Variants in COL19A1 observed in about 807,000 individuals in gnomAD.
COL19A1 encodes collagen type XIX alpha 1 chain, also known as collagen alpha-1(XIX) chain.
Under a neutral mutation model 190.2 loss-of-function variants are expected in COL19A1, and 159 were observed. That is an observed-to-expected ratio of 0.84 (90% CI 0.73 to 0.95). The LOEUF (loss-of-function observed/expected upper bound fraction) is 0.95, where lower values mean the gene tolerates loss of function less well. COL19A1 is among the 40% of genes least tolerant of loss of function. The pLI is 0.00. For synonymous variants in COL19A1, 509 were observed against 458.9 expected, an observed-to-expected ratio of 1.11 and a Z score of -1.39; for missense variants, 1,418 against 1,431.9, an observed-to-expected ratio of 0.99 and a Z score of 0.16.
chr6:70,073,795 G>C (rs1781697548), intron 15 of COL19A1, among the ~76,000 whole-genome samples: 2 of 152,166 alleles, frequency 1.3e-5, no homozygotes, highest in Non-Finnish European at 2.9e-5. Context: ...TGGAGTAGCT[G>C]AGACCTCAAA....
At chr6:70,106,950 G>A (rs533629991) in intron 16 of COL19A1, among the ~76,000 whole-genome samples, 58 of 152,338 alleles carry the variant, frequency 3.8e-4, no homozygotes, top group African/African-American at 1.4e-3. Context: ...AGGAAAGAGG[G>A]ATGAAGCAGA....
chr6:70,039,427 T>C (rs1454479713), intron 14 of COL19A1, among the ~76,000 whole-genome samples: 2 of 152,222 alleles, frequency 1.3e-5, no homozygotes, highest in Non-Finnish European at 2.9e-5. Flanking sequence ...TCCTGATTAC[T>C]TCATTATAGA....
At chr6:69,893,767 G>T (rs967676103) in intron 2 of COL19A1, among the ~76,000 whole-genome samples, 1 of 152,006 alleles carries the variant, frequency 6.6e-6, no homozygotes, top group Non-Finnish European at 1.5e-5. Context: ...TAACAGCCAG[G>T]TACCCTTTTA....
intron 9 of COL19A1, among the ~76,000 whole-genome samples, chr6:69,952,168 A>T (rs1256451906): frequency 6.6e-6 from 1 of 151,934 alleles, no homozygotes; most frequent in African/African-American, 2.4e-5. Flanking sequence ...ATCATTATGC[A>T]TATGGTTTTT....
At chr6:70,144,881 G>C in intron 24 of COL19A1, 37 bp from the exon 25 acceptor site, 1 of 1,318,310 alleles carries the variant, frequency 7.6e-7, no homozygotes, top group African/African-American at 1.5e-5. Context: ...CCATGAACCT[G>C]AGCATCAAAG....
intron 48 of COL19A1, among the ~76,000 whole-genome samples, chr6:70,190,939 T>C (rs906266083): frequency 5.3e-5 from 8 of 152,194 alleles, no homozygotes; most frequent in Admixed American, 5.2e-4. Flanking sequence ...TTTTAAACGG[T>C]TTTTAAAAAT....
In COL19A1 at chr6:70,115,825, GTT is replaced by G. The variant is rs57814985; in HGVS notation, c.1279-6039_1279-6038del. Among the ~76,000 whole-genome samples the G allele has an allele frequency of 5.9e-3, 696 of 117,152 alleles. 5 individuals are homozygous for G. Among genetic ancestry groups the G allele is most frequent in the South Asian group, 0.021 (74 of 3,570 alleles). 76.9% of individuals were successfully genotyped at this position (117,152 alleles called of 152,430 possible). A position where few individuals can be genotyped will look rare whatever the true frequency, so the allele number is the denominator to read the frequency against. ...TTTTTGTTTTGTTTTTTGGTGTTTT[GTT>G]TTTTTTTTTTTTTTTGGTGGGGAGA... On this transcript the variant is annotated intron_variant, in intron 16 of 50. Transcript: ENST00000620364.
rs780679138 is a variant in COL19A1, at chr6:70,168,664, G to C, written c.2551G>C (p.Gly851Arg). Reference sequence around the variant, plus strand: ...CATGTTTCTCTTACAGGGCCCAAAAGGCGATCCTGGCCCAGTGGTATGAAT... The same window carrying C: ...CATGTTTCTCTTACAGGGCCCAAAACGCGATCCTGGCCCAGTGGTATGAAT... ...PGPPGPPGPK[G>R]DPGPVGEPGA... is the part of the protein sequence containing the mutation. The change falls in exon 40 of 51, where the codon GGC becomes CGC. Residue 851 changes from glycine to arginine, a missense_variant. Coordinates refer to ENST00000620364, the MANE Select transcript of COL19A1 (RefSeq NM_001858.6). The C allele has an allele frequency of 6.2e-7, 1 of 1,612,814 alleles. No individual in the cohort carries two copies. Among genetic ancestry groups the C allele is most frequent in the South Asian group, 1.1e-5 (1 of 90,890 alleles).
intron 11 of COL19A1, among the ~76,000 whole-genome samples, chr6:69,994,448 A>G (rs915426591): frequency 1.1e-4 from 17 of 152,132 alleles, no homozygotes; most frequent in African/African-American, 3.9e-4. Flanking sequence ...AGGTTTGCCT[A>G]TGACGCTTGT....
intron 9 of COL19A1, among the ~76,000 whole-genome samples, chr6:69,958,212 G>T (rs1774548696): frequency 6.6e-6 from 1 of 152,108 alleles, no homozygotes; most frequent in Non-Finnish European, 1.5e-5. Context: ...CAAAGAAAAA[G>T]GGGAGATACT....
In COL19A1 at chr6:70,184,629, G is replaced by A. The variant is rs376337465; in HGVS notation, c.2776-74G>A. 89 of 1,220,956 alleles carry A rather than the reference G, an allele frequency of 7.3e-5. No individual in the cohort carries two copies. In the African/African-American group the frequency reaches 1.1e-3, roughly 15 times the overall value. 75.6% of individuals were successfully genotyped at this position (1,220,956 alleles called of 1,614,324 possible). On this transcript the variant is annotated intron_variant, in intron 44 of 50. Coordinates refer to ENST00000620364, the MANE Select transcript of COL19A1 (RefSeq NM_001858.6). The stretch of plus-strand genomic sequence containing the variant: ...GAAATATGATTAAGGAACTGTCCTC[G>A]AAACCTTATGCTTTTGTTGTGTTTA...
At chr6:69,880,090 A>G (rs951760322) in intron 2 of COL19A1, among the ~76,000 whole-genome samples, 1 of 152,252 alleles carries the variant, frequency 6.6e-6, no homozygotes, top group African/African-American at 2.4e-5. Context: ...ATGTAGTTTA[A>G]TTATATGTTC....
chr6:70,206,266 G>A (rs1464558390), intron 49 of COL19A1, among the ~76,000 whole-genome samples: 1 of 152,136 alleles, frequency 6.6e-6, no homozygotes, highest in African/African-American at 2.4e-5. Flanking sequence ...CACACAGCTT[G>A]TCATAGCTAT....
intron 15 of COL19A1, among the ~76,000 whole-genome samples, chr6:70,088,486 T>C (rs1782718060): frequency 1.3e-5 from 2 of 152,128 alleles, no homozygotes; most frequent in South Asian, 4.1e-4. Context: ...CAATATAATA[T>C]ACACCCTTCT....
At chr6:70,080,610 T>C (rs1308088422) in intron 15 of COL19A1, among the ~76,000 whole-genome samples, 1 of 152,218 alleles carries the variant, frequency 6.6e-6, no homozygotes, top group Admixed American at 6.5e-5. Flanking sequence ...TGGTATAATA[T>C]AAATGAGGTC....
intron 37 of COL19A1, among the ~76,000 whole-genome samples, chr6:70,167,681 G>A (rs1313326237): frequency 6.6e-6 from 1 of 152,130 alleles, no homozygotes; most frequent in East Asian, 1.9e-4. Context: ...TAAACAGTTA[G>A]TATAAATTGA....
intron 19 of COL19A1, 80 bp downstream of exon 19, chr6:70,137,827 TC>T (rs2150230828): frequency 1.5e-6 from 2 of 1,364,556 alleles, no homozygotes; most frequent in Admixed American, 3.4e-5. Flanking sequence ...CAGCCCCAAT[TC>T]CACGTGCCTT....
intron 43 of COL19A1, 28 bp downstream of exon 43, chr6:70,180,384 T>A (rs200797465): frequency 6.2e-6 from 10 of 1,614,004 alleles, no homozygotes; most frequent in Non-Finnish European, 8.5e-6. Context: ...TTCATGACAG[T>A]TGTACTTGTG....
chr6:70,059,660 C>T, intron 14 of COL19A1: 1 of 349,604 alleles, frequency 2.9e-6, no homozygotes, highest in South Asian at 2.4e-5. Context: ...GAGGTAACAG[C>T]CTTATGAATT....
Sources: gnomAD v4.1 joint callset for allele counts (sites outside exome capture counted in the v4.1 genomes callset) on GRCh38, gnomAD v4.1.1 for gene constraint, MANE v1.5 for transcripts, NCBI Gene and HGNC (gene_info 2026-07-23, HGNC 2026-07-21) for gene names.